TBC1D2: variants seen among roughly 807,000 people sequenced by gnomAD.
The protein encoded by TBC1D2 is TBC1 domain family member 2A.
TBC1D2 carries 58 observed loss-of-function variants against 91.1 expected under a neutral mutation model. That is an observed-to-expected ratio of 0.64 (90% CI 0.52 to 0.79). The LOEUF (loss-of-function observed/expected upper bound fraction) is 0.79, where lower values mean the gene tolerates loss of function less well. TBC1D2 is among the 30% of genes least tolerant of loss of function. The pLI is 0.00. For missense variants in TBC1D2, 1,080 were observed against 1,208.3 expected, an observed-to-expected ratio of 0.89 and a Z score of 1.57; for synonymous variants, 482 against 511.5, an observed-to-expected ratio of 0.94 and a Z score of 0.78.
rs756159013 is a variant in TBC1D2 at position 98,199,488 on chromosome 9, G to A, written c.2680C>T (p.Arg894Trp). 23 of 1,613,958 alleles carry A rather than the reference G, an allele frequency of 1.4e-5. No homozygotes were observed. Among genetic ancestry groups the A allele is most frequent in the South Asian group, 7.7e-5 (7 of 91,084 alleles). The stretch of plus-strand genomic sequence containing the variant: ...TCTGCCTTAAGCTGCTCCAGCTCCC[G>A]CAGCTCAGCCTCCAGCCGCTCCCGG... ...VHRERLEAELRELEQLKAEYL... is the reference protein window; with the variant it reads ...VHRERLEAELWELEQLKAEYL... Residue 894 changes from arginine to tryptophan, a missense_variant, in exon 13 of 13, where the codon CGG becomes TGG. Physicochemically the swap from Arg to Trp is moderately radical, Grantham distance 101 (BLOSUM62 -3). Transcript: ENST00000465784.
At position 98,255,639 on chromosome 9, in the gene TBC1D2, T is replaced by C. The variant is rs1236622250; in HGVS notation, c.-98A>G. The C allele has an allele frequency of 1.5e-6, 2 of 1,350,296 alleles. No individual in the cohort carries two copies. The highest frequency in any genetic ancestry group is 6.8e-5 in the Admixed American group (2 of 29,328). 83.6% of individuals were successfully genotyped at this position (1,350,296 alleles called of 1,614,324 possible). ...GGGCAGCTTCCCAAAGGGAGACACC[T>C]GGGCGGGGGCGGGGCCGACGGCGAA... On this transcript the variant is annotated 5_prime_UTR_variant, in exon 1 of 13. Transcript: ENST00000465784.
chr9:98,220,099 G>A (rs1025702216), intron 6 of TBC1D2, among the ~76,000 whole-genome samples: 1 of 152,204 alleles, frequency 6.6e-6, no homozygotes, highest in Non-Finnish European at 1.5e-5. Flanking sequence ...GGGGAGGAAA[G>A]GAGGAGCAGG....
Position 98,218,562 on chromosome 9 carries a change from G to A in TBC1D2, c.1374+2271C>T, listed in dbSNP as rs142841621. 7.7e-3 allele frequency among the ~76,000 whole-genome samples: 1,169 copies of A among 151,970 alleles called. 8 individuals carry two copies. Among genetic ancestry groups the A allele is most frequent in the Non-Finnish European group, 0.012 (832 of 67,972 alleles). ...AGGCTGGGTGACAGAGCAAGACTCC[G>A]TCTCAAAAAATAAAAATAAAAAAAA... On this transcript the variant is annotated intron_variant, in intron 6 of 12. Coordinates refer to ENST00000465784, the MANE Select transcript of TBC1D2 (RefSeq NM_001267571.2).
intron 5 of TBC1D2, among the ~76,000 whole-genome samples, chr9:98,225,627 A>C (rs1318745424): frequency 1.3e-5 from 2 of 152,204 alleles, no homozygotes; most frequent in Non-Finnish European, 2.9e-5. Context: ...GGAGACCCTG[A>C]GCATGCAGAC....
At chr9:98,203,909 A>T (rs1291588382) in intron 9 of TBC1D2, among the ~76,000 whole-genome samples, 1 of 152,196 alleles carries the variant, frequency 6.6e-6, no homozygotes, top group Non-Finnish European at 1.5e-5. Flanking sequence ...CTGTAAAGTG[A>T]GATTAACAAT....
chr9:98,239,125 C>T (rs1829577570), intron 3 of TBC1D2, among the ~76,000 whole-genome samples: 1 of 152,124 alleles, frequency 6.6e-6, no homozygotes, highest in Non-Finnish European at 1.5e-5. Context: ...GTGGCATGCT[C>T]ATAGCTTACT....
At chr9:98,238,966 A>C (rs1486351286) in intron 3 of TBC1D2, among the ~76,000 whole-genome samples, 2 of 151,762 alleles carry the variant, frequency 1.3e-5, no homozygotes, top group Non-Finnish European at 2.9e-5. Context: ...CAGGTGATCC[A>C]CCCACCTCAG....
Position 98,255,252 on chromosome 9 carries a change from C to T in TBC1D2, c.290G>A (p.Ser97Asn). 6.2e-7 allele frequency: 1 copy of T among 1,614,242 alleles called. No homozygotes were observed. Among genetic ancestry groups the T allele is most frequent in the African/African-American group, 1.3e-5 (1 of 75,066 alleles). ...ANPLDSIDLSSAVFDCKADAE... is the reference protein window; with the variant it reads ...ANPLDSIDLSNAVFDCKADAE... ...GTCCGCCTTACAGTCAAACACTGCA[C>T]TGGAGAGGTCGATGCTGTCCAAGGG... Residue 97 changes from serine to asparagine, a missense_variant, in exon 1 of 13, where the codon AGT (serine) becomes AAT (asparagine). Ser to Asn is a conservative substitution (Grantham distance 46). Transcript: ENST00000465784.
intron 7 of TBC1D2, 31 bp downstream of exon 7, chr9:98,213,077 G>C: frequency 6.2e-7 from 1 of 1,612,360 alleles, no homozygotes; most frequent in East Asian, 2.2e-5. Context: ...GCCAGGGATG[G>C]AGACGGCTGG....
Position 98,208,864 on chromosome 9 carries a change from A to G in TBC1D2, c.1954T>C (p.Tyr652His). Residue 652 changes from tyrosine (Y) to histidine (H), a missense_variant, in exon 9 of 13, where the codon TAC becomes CAC. Physicochemically the swap from Tyr to His is moderately conservative, Grantham distance 83. Transcript: ENST00000465784. Reference sequence around the variant, plus strand: ...TGGCCCCGGCTCAGCAGTTCCTGGTAGCAGCCTGGAGTGTGCAGGTGCTGG... The same window carrying G: ...TGGCCCCGGCTCAGCAGTTCCTGGTGGCAGCCTGGAGTGTGCAGGTGCTGG... ...RVQHLHTPGCYQELLSRGQAR... is the reference protein window; with the variant it reads ...RVQHLHTPGCHQELLSRGQAR... 1 of 1,613,334 alleles carries G rather than the reference A, an allele frequency of 6.2e-7. No individual in the cohort carries two copies. Among genetic ancestry groups the G allele is most frequent in the Non-Finnish European group, 8.5e-7 (1 of 1,179,382 alleles).
chr9:98,221,234 CA>C lies in TBC1D2; in HGVS notation c.979-7del. On this transcript the variant is annotated splice_polypyrimidine_tract_variant and splice_region_variant and intron_variant, in intron 5 of 12. Coordinates refer to ENST00000465784, the MANE Select transcript of TBC1D2 (RefSeq NM_001267571.2). ...TGCAGGATCTTCACTAGCTCCTGGG[CA>C]GGGAGAGGGAAGAATCTTGTGAGCT... is the stretch of plus-strand genomic sequence containing the variant. 1.3e-6 allele frequency: 2 copies of C among 1,528,006 alleles called. No homozygotes were observed. Among genetic ancestry groups the C allele is most frequent in the Non-Finnish European group, 1.8e-6 (2 of 1,132,506 alleles). The allele number at this position is 1,528,006 out of a possible 1,614,324, so 94.7% of individuals were successfully genotyped here.
intron 10 of TBC1D2, 90 bp from the exon 11 acceptor site, chr9:98,201,754 C>T (rs957053268): frequency 3.7e-6 from 5 of 1,350,512 alleles, no homozygotes; most frequent in Admixed American, 2.3e-5. Context: ...TCAGTCCACA[C>T]ACAATCCTGA....
chr9:98,211,800 C>CT (rs112631510), intron 7 of TBC1D2, among the ~76,000 whole-genome samples: 31,903 of 144,186 alleles, frequency 0.22, 3,807 homozygotes, highest in African/African-American at 0.33. Context: ...TCAGGGATTC[C>CT]TTTTTTTTTT....
chr9:98,245,890 T>A (rs1046926261), intron 2 of TBC1D2, among the ~76,000 whole-genome samples: 5 of 152,206 alleles, frequency 3.3e-5, no homozygotes, highest in African/African-American at 1.2e-4. Flanking sequence ...ATCTGAAATG[T>A]GTTTAAATAA....
chr9:98,202,706 C>T (rs895320892), intron 10 of TBC1D2, among the ~76,000 whole-genome samples: 3 of 152,200 alleles, frequency 2.0e-5, no homozygotes, highest in African/African-American at 7.2e-5. Flanking sequence ...CATGGAGGTT[C>T]ATTATACTAT....
intron 2 of TBC1D2, among the ~76,000 whole-genome samples, chr9:98,247,498 G>A (rs1829789574): frequency 6.6e-6 from 1 of 152,190 alleles, no homozygotes; most frequent in Non-Finnish European, 1.5e-5. Context: ...GGAGGCGGAG[G>A]TGGGTGGAGC....
At chr9:98,209,314 G>C (rs938581925) in intron 8 of TBC1D2, among the ~76,000 whole-genome samples, 170 bp from the exon 9 acceptor site, 1 of 152,130 alleles carries the variant, frequency 6.6e-6, no homozygotes, top group African/African-American at 2.4e-5. Flanking sequence ...TTGCGAATCT[G>C]TATAATGCAT....
chr9:98,203,294 T>G lies in TBC1D2; in HGVS notation c.2265A>C (p.Ala755=), dbSNP rs1313690088. Residue 755 remains alanine (A), a synonymous_variant, in exon 10 of 13, where the codon GCA becomes GCC. Transcript: ENST00000465784. ...CCCTCCTGGCCCCACTTACCTGGGATGCCGTCAGCGTGTTGCAGTAGTAAT... is the reference window on the plus strand; with the variant it reads ...CCCTCCTGGCCCCACTTACCTGGGAGGCCGTCAGCGTGTTGCAGTAGTAAT... ...PADYYCNTLT[A]SQVDQRVLQD... is the part of the protein sequence containing the mutation. 2 of 1,614,224 alleles carry G rather than the reference T, an allele frequency of 1.2e-6. No individual in the cohort carries two copies. Among genetic ancestry groups the G allele is most frequent in the Non-Finnish European group, 1.7e-6 (2 of 1,180,026 alleles).
intron 5 of TBC1D2, among the ~76,000 whole-genome samples, chr9:98,226,148 C>G (rs1220944208): frequency 9.9e-5 from 15 of 152,210 alleles, no homozygotes; most frequent in Non-Finnish European, 2.2e-4. Context: ...TTCTGTCTCA[C>G]CTCTTTGGTT....
Sources: gnomAD v4.1 joint callset for allele counts (sites outside exome capture counted in the v4.1 genomes callset) on GRCh38, gnomAD v4.1.1 for gene constraint, MANE v1.5 for transcripts, NCBI Gene and HGNC (gene_info 2026-07-23, HGNC 2026-07-21) for gene names.